IPO11: variants seen among roughly 807,000 people sequenced by gnomAD.
IPO11 encodes importin 11.
A neutral mutation model predicts 143.2 loss-of-function variants in IPO11; 66 were observed. The observed-to-expected ratio is 0.46, with a 90% CI of 0.38 to 0.57. IPO11 has a LOEUF of 0.57. Ranked by LOEUF, IPO11 falls within the 20% of genes least tolerant of loss-of-function variation. IPO11 has a pLI of 0.00. For synonymous variants in IPO11, 385 were observed against 377.8 expected, an observed-to-expected ratio of 1.02 and a Z score of -0.22; for missense variants, 1,026 against 1,141.0, an observed-to-expected ratio of 0.90 and a Z score of 1.45.
At chr5:62,605,454 G>A (rs186380447) in intron 29 of IPO11, among the ~76,000 whole-genome samples, 321 of 151,928 alleles carry the variant, frequency 2.1e-3, no homozygotes, top group African/African-American at 7.2e-3. Context: ...CTTTCATTTC[G>A]GTGAAATAAT....
At chr5:62,598,619 A>G (rs900867836) in intron 28 of IPO11, among the ~76,000 whole-genome samples, 2 of 140,202 alleles carry the variant, frequency 1.4e-5, no homozygotes, top group African/African-American at 5.3e-5. Flanking sequence ...ATCTCGGCTC[A>G]TTGCAACCTC....
chr5:62,568,113 A>G (rs1483164291), intron 27 of IPO11, among the ~76,000 whole-genome samples: 1 of 151,364 alleles, frequency 6.6e-6, no homozygotes, highest in Non-Finnish European at 1.5e-5. Flanking sequence ...CTACAGGTGC[A>G]TACCACCACA....
At position 62,538,581 on chromosome 5, in the gene IPO11, C is replaced by G. The variant is rs1054511624; in HGVS notation, c.2250+1292C>G. On this transcript the variant is annotated intron_variant, in intron 24 of 29. Transcript: ENST00000325324. ...TGAAGAAGATGCCTTGCCTCCCTTT[C>G]ACCTTCTGCCTTGATTGTAAGTTTC... Among the ~76,000 whole-genome samples the G allele has an allele frequency of 3.3e-5, 5 of 152,308 alleles. No individual in the cohort carries two copies. In the East Asian group the frequency reaches 9.6e-4, roughly 29 times the overall value.
At chr5:62,431,934 C>CACATACATACATACATACGTACATACAT (rs112881832) in intron 1 of IPO11, among the ~76,000 whole-genome samples, 53 of 148,686 alleles carry the variant, frequency 3.6e-4, no homozygotes, top group African/African-American at 1.2e-3. Flanking sequence ...GAGCAAGACT[C>CACATACATACATACATACGTACATACAT]ACATACATAC....
rs183738237 is a variant in IPO11, at chr5:62,417,888, A to G, written c.-7+4959A>G. On this transcript the variant is annotated intron_variant, in intron 1 of 29. Coordinates refer to ENST00000325324, the MANE Select transcript of IPO11 (RefSeq NM_016338.5). ...CCATGCAGGCACCAATCAGTTGGAA[A>G]AGCCCAAAATCTTAATTCTTTCCCC... Among the ~76,000 whole-genome samples, 96 of 152,322 alleles carry G rather than the reference A, an allele frequency of 6.3e-4. 1 individual carries two copies. Among genetic ancestry groups the G allele is most frequent in the African/African-American group, 2.2e-3 (93 of 41,572 alleles).
chr5:62,621,663 A>G (rs1226421291), intron 29 of IPO11, among the ~76,000 whole-genome samples: 2 of 152,228 alleles, frequency 1.3e-5, no homozygotes, highest in Non-Finnish European at 2.9e-5. Flanking sequence ...CAGATCAACT[A>G]TGAAGAGAAT....
At position 62,419,304 on chromosome 5, in the gene IPO11, C is replaced by T. The variant is rs1040130919; in HGVS notation, c.-7+6375C>T. On this transcript the variant is annotated intron_variant, in intron 1 of 29. Coordinates refer to ENST00000325324, the MANE Select transcript of IPO11 (RefSeq NM_016338.5). ...GGTGAGTGAAAGTGAAGGCCTAGGG[C>T]ATTATTGTACACTTAGGCTAAAATA... 3.9e-5 allele frequency among the ~76,000 whole-genome samples: 6 copies of T among 152,132 alleles called. No individual in the cohort carries two copies. In the South Asian group the frequency reaches 1.2e-3, roughly 32 times the overall value.
intron 29 of IPO11, among the ~76,000 whole-genome samples, chr5:62,605,230 G>C (rs1250248783): frequency 1.3e-5 from 2 of 152,226 alleles, no homozygotes; most frequent in Admixed American, 1.3e-4. Flanking sequence ...TGTGGTGTCT[G>C]TGTTTCAGCA....
chr5:62,484,038 T>C lies in IPO11; in HGVS notation c.1050T>C (p.His350=). The part of the protein sequence containing the change: ...EDSSPETLEA[H]KIKMAFFTYP... ...GCAGCCCTGAAACTCTTGAAGCCCA[T>C]AAGATTAAGATGGCATTCTTCACAT... Residue 350 remains histidine (H), a synonymous_variant, in exon 11 of 30, where the codon CAT becomes CAC. Transcript: ENST00000325324. 6.2e-7 allele frequency: 1 copy of C among 1,607,128 alleles called. No homozygotes were observed. Among genetic ancestry groups the C allele is most frequent in the South Asian group, 1.1e-5 (1 of 89,088 alleles).
chr5:62,508,713 T>TA (rs1263885277), intron 19 of IPO11, among the ~76,000 whole-genome samples: 6 of 152,026 alleles, frequency 3.9e-5, no homozygotes, highest in African/African-American at 1.2e-4. Context: ...TGTTGACAGT[T>TA]ACATTAGGTA....
At chr5:62,550,738 TA>T (rs1452427680) in intron 25 of IPO11, among the ~76,000 whole-genome samples, 1 of 152,146 alleles carries the variant, frequency 6.6e-6, no homozygotes, top group Non-Finnish European at 1.5e-5. Flanking sequence ...AATGCTTGAC[TA>T]CTAAGAATAT....
chr5:62,584,638 A>G (rs1048513848), intron 27 of IPO11, among the ~76,000 whole-genome samples: 15 of 133,406 alleles, frequency 1.1e-4, no homozygotes, highest in African/African-American at 1.9e-4. Context: ...AAAAAAAAAA[A>G]GGAAATAGGA....
At chr5:62,584,750 GT>G (rs546235754) in intron 27 of IPO11, among the ~76,000 whole-genome samples, 82 of 131,342 alleles carry the variant, frequency 6.2e-4, no homozygotes, top group Admixed American at 8.4e-4. Context: ...TTTTGTTTTT[GT>G]TTTTTTTTTT....
chr5:62,442,266 G>C (rs1407846767), intron 2 of IPO11, among the ~76,000 whole-genome samples: 2 of 152,146 alleles, frequency 1.3e-5, no homozygotes, highest in African/African-American at 4.8e-5. Context: ...CTATGCTGTA[G>C]TGGGCCTACT....
intron 27 of IPO11, among the ~76,000 whole-genome samples, chr5:62,568,602 AT>A (rs1273909864): frequency 6.7e-6 from 1 of 148,494 alleles, no homozygotes; most frequent in Non-Finnish European, 1.5e-5. Context: ...AAAAAATTCA[AT>A]ATCTTTGTTA....
In IPO11 at chr5:62,443,720, C is replaced by G. The variant is rs183632880; in HGVS notation, c.239+637C>G. 1.0e-3 allele frequency among the ~76,000 whole-genome samples: 154 copies of G among 151,922 alleles called. 1 individual carries two copies. Among genetic ancestry groups the G allele is most frequent in the African/African-American group, 3.6e-3 (150 of 41,412 alleles). On this transcript the variant is annotated intron_variant, in intron 3 of 29. Coordinates refer to ENST00000325324, the MANE Select transcript of IPO11 (RefSeq NM_016338.5). The stretch of plus-strand genomic sequence containing the variant: ...TTTCTGAGTCTTATGCATTCTTTCT[C>G]TATGGTGGGAATGGAGTAGTATACA...
rs569052570 is a variant in IPO11 at position 62,438,977 on chromosome 5, T to C, written c.138+1560T>C. 1.6e-4 allele frequency among the ~76,000 whole-genome samples: 24 copies of C among 150,074 alleles called. No individual in the cohort carries two copies. The Middle Eastern group carries it at 0.01, about 65-fold the overall frequency. ...GGGAGGCTGAAGCAGGAGAATGGTG[T>C]GAACCCAGGAAGCAGAGCTTGCAGT... On this transcript the variant is annotated intron_variant, in intron 2 of 29. Transcript: ENST00000325324.
intron 28 of IPO11, among the ~76,000 whole-genome samples, chr5:62,598,470 C>CTT (rs1745341043): frequency 7.2e-4 from 3 of 4,166 alleles, no homozygotes; most frequent in Non-Finnish European, 1.1e-3. Flanking sequence ...CTCTCTCTCT[C>CTT]TCTCTCTCTC....
At chr5:62,525,664 A>G (rs958925727) in intron 20 of IPO11, among the ~76,000 whole-genome samples, 2 of 152,234 alleles carry the variant, frequency 1.3e-5, no homozygotes, top group Non-Finnish European at 2.9e-5. Context: ...GATGATAGGC[A>G]TGAGCCATGG....
Sources: gnomAD v4.1 joint callset for allele counts (sites outside exome capture counted in the v4.1 genomes callset) on GRCh38, gnomAD v4.1.1 for gene constraint, MANE v1.5 for transcripts, NCBI Gene and HGNC (gene_info 2026-07-23, HGNC 2026-07-21) for gene names.